AGBL4: variants seen among roughly 807,000 people sequenced by gnomAD.
AGBL4 encodes the protein AGBL carboxypeptidase 4, also known as cytosolic carboxypeptidase 6.
Under a neutral mutation model 66.4 loss-of-function variants are expected in AGBL4, and 58 were observed. The observed-to-expected ratio is 0.87, with a 90% confidence interval of 0.71 to 1.09. The LOEUF (loss-of-function observed/expected upper bound fraction) is 1.09. Among genes scored for constraint, AGBL4 ranks in the 50% least tolerant of loss-of-function variants. The pLI, the probability that AGBL4 is intolerant of heterozygous loss-of-function variation, is 0.00. For synonymous variants in AGBL4, 234 were observed against 222.9 expected (o/e 1.05, Z -0.44); for missense variants, 579 against 631.0 (o/e 0.92, Z 0.88).
At chr1:49,542,919 A>AC (rs1652174780) in intron 3 of AGBL4, among the ~76,000 whole-genome samples, 1 of 150,486 alleles carries the variant, frequency 6.6e-6, no homozygotes, top group Non-Finnish European at 1.5e-5. Flanking sequence ...AAAAAAAAAA[A>AC]AAAAAACTCA....
intron 6 of AGBL4, among the ~76,000 whole-genome samples, chr1:48,666,597 A>G (rs1646192042): frequency 1.3e-5 from 2 of 152,182 alleles, no homozygotes; most frequent in African/African-American, 2.4e-5. Flanking sequence ...CTTAATCATC[A>G]CATATTTATT....
At chr1:49,275,807 A>G (rs1228046219) in intron 3 of AGBL4, among the ~76,000 whole-genome samples, 1 of 152,166 alleles carries the variant, frequency 6.6e-6, no homozygotes, top group Non-Finnish European at 1.5e-5. Flanking sequence ...ACTAAAAATT[A>G]AAATTACTTT....
At chr1:49,164,484 CA>C (rs1646597106) in intron 4 of AGBL4, among the ~76,000 whole-genome samples, 1 of 152,080 alleles carries the variant, frequency 6.6e-6, no homozygotes, top group South Asian at 2.1e-4. Context: ...AAGAAGCGCA[CA>C]AGCAACTGTA....
chr1:48,782,905 C>G (rs1645330400), intron 6 of AGBL4, among the ~76,000 whole-genome samples: 1 of 152,200 alleles, frequency 6.6e-6, no homozygotes, highest in African/African-American at 2.4e-5. Context: ...TAAAAATCCT[C>G]TGTGTTCCAC....
At chr1:49,360,686 A>G (rs938365211) in intron 3 of AGBL4, among the ~76,000 whole-genome samples, 1 of 152,212 alleles carries the variant, frequency 6.6e-6, no homozygotes, top group African/African-American at 2.4e-5. Context: ...CCACTTCTCT[A>G]TTATATTTCA....
chr1:49,122,200 C>T (rs1028987796), intron 4 of AGBL4, among the ~76,000 whole-genome samples: 8 of 152,176 alleles, frequency 5.3e-5, no homozygotes, highest in Non-Finnish European at 1.2e-4. Flanking sequence ...CTTTGCCTCG[C>T]CCTCCATGGG....
intron 3 of AGBL4, among the ~76,000 whole-genome samples, chr1:49,530,282 A>AAAAAAAAAT (rs1558025489): frequency 1.4e-5 from 2 of 145,414 alleles, no homozygotes; most frequent in Non-Finnish European, 3.0e-5. Context: ...ACAAAAAAAA[A>AAAAAAAAAT]CTCTATGAGT....
At chr1:49,772,240 C>A (rs975157608) in intron 2 of AGBL4, among the ~76,000 whole-genome samples, 5 of 152,066 alleles carry the variant, frequency 3.3e-5, no homozygotes, top group Non-Finnish European at 7.4e-5. Context: ...ACTTTGGTCA[C>A]ATAAAAATAC....
intron 11 of AGBL4, among the ~76,000 whole-genome samples, chr1:48,577,960 C>A (rs138782102): frequency 6.6e-6 from 1 of 152,266 alleles, no homozygotes; most frequent in Non-Finnish European, 1.5e-5. Context: ...ACACTTTGAG[C>A]TGGATCAATC....
intron 3 of AGBL4, chr1:49,257,584 G>C (rs1652647466): frequency 6.5e-6 from 1 of 152,818 alleles, no homozygotes; most frequent in Admixed American, 6.5e-5. Flanking sequence ...CCCTTTCCTT[G>C]ACCAGGAAAG....
intron 2 of AGBL4, among the ~76,000 whole-genome samples, chr1:49,757,021 T>C (rs1651935701): frequency 6.6e-6 from 1 of 152,178 alleles, no homozygotes; most frequent in South Asian, 2.1e-4. Context: ...ATCTGAATGA[T>C]AATCCCCAAG....
At chr1:48,676,236 C>A (rs776797486) in intron 6 of AGBL4, among the ~76,000 whole-genome samples, 1 of 152,244 alleles carries the variant, frequency 6.6e-6, no homozygotes, top group African/African-American at 2.4e-5. Context: ...TCAGTCCTAC[C>A]TTCCACCTTC....
At chr1:48,787,485 T>C (rs373433703) in intron 6 of AGBL4, among the ~76,000 whole-genome samples, 6 of 152,210 alleles carry the variant, frequency 3.9e-5, no homozygotes, top group African/African-American at 1.4e-4. Flanking sequence ...TTTCTTTATT[T>C]AGTAGCACAA....
intron 5 of AGBL4, among the ~76,000 whole-genome samples, chr1:49,027,204 A>G (rs1264361930): frequency 6.6e-6 from 1 of 152,054 alleles, no homozygotes; most frequent in Non-Finnish European, 1.5e-5. Flanking sequence ...CTTGTTGCCC[A>G]TGCTGGAGTG....
At chr1:48,964,269 G>A (rs1658240435) in intron 5 of AGBL4, among the ~76,000 whole-genome samples, 1 of 152,200 alleles carries the variant, frequency 6.6e-6, no homozygotes, top group Non-Finnish European at 1.5e-5. Flanking sequence ...AGACGATGGA[G>A]GCCCACTCGT....
intron 2 of AGBL4, among the ~76,000 whole-genome samples, chr1:49,710,880 A>G (rs1647612206): frequency 6.6e-6 from 1 of 151,792 alleles, no homozygotes. Flanking sequence ...ACTCTTATGA[A>G]GCAAAAAATT....
the AGBL4 span, among the ~76,000 whole-genome samples, chr1:48,523,533 CTT>C: frequency 2.0e-5 from 3 of 152,152 alleles, no homozygotes; most frequent in Non-Finnish European, 4.4e-5. Flanking sequence ...GGTTAGTGCT[CTT>C]TCAACCAAAC....
At chr1:49,963,473 G>A (rs544065914) in intron 1 of AGBL4, among the ~76,000 whole-genome samples, 1 of 152,266 alleles carries the variant, frequency 6.6e-6, no homozygotes, top group South Asian at 2.1e-4. Context: ...TTGAACTGCT[G>A]CAGTATTCAT....
chr1:49,192,320 T>C (rs1322182430), intron 4 of AGBL4, among the ~76,000 whole-genome samples: 1 of 152,208 alleles, frequency 6.6e-6, no homozygotes, highest in African/African-American at 2.4e-5. Flanking sequence ...TATTTCGAGA[T>C]GGAGTTTCAC....
Sources: gnomAD v4.1 joint callset for allele counts (sites outside exome capture counted in the v4.1 genomes callset) on GRCh38, gnomAD v4.1.1 for gene constraint, MANE v1.5 for transcripts, NCBI Gene and HGNC (gene_info 2026-07-23, HGNC 2026-07-21) for gene names.